Variants in EFNA5 observed in about 807,000 individuals in gnomAD.
The protein encoded by EFNA5 is ephrin-A5.
Under a neutral mutation model 22.9 loss-of-function variants are expected in EFNA5, and 5 were observed. The ratio of observed to expected loss-of-function variants is 0.22; its 90% CI spans 0.11 to 0.46. EFNA5 has a LOEUF of 0.46. EFNA5 is among the 20% of genes least tolerant of loss of function. The pLI is 0.99. For synonymous variants in EFNA5, 113 were observed against 112.2 expected (o/e 1.01, Z -0.04); for missense variants, 237 against 293.3 (o/e 0.81, Z 1.40).
At chr5:107,670,394 C>A (rs1233636788) in intron 1 of EFNA5, 95 bp downstream of exon 1, 8 of 1,412,148 alleles carry the variant, frequency 5.7e-6, no homozygotes, top group Non-Finnish European at 7.4e-6. Flanking sequence ...GGGTGCGCGC[C>A]GCCAGCGGTT....
rs576210075 is a variant in EFNA5, at chr5:107,435,226, A to G, written c.126-7717T>C. 4.9e-4 allele frequency among the ~76,000 whole-genome samples: 75 copies of G among 151,708 alleles called. 1 individual carries two copies. Among genetic ancestry groups the G allele is most frequent in the Middle Eastern group, 3.4e-3 (1 of 292 alleles). ...TGGGCAGGACAGCAGTCTCTGTTGT[A>G]TAACATGCTGCTTCTTGCATCCTTC... On this transcript the variant is annotated intron_variant, in intron 1 of 4. Coordinates refer to ENST00000333274, the MANE Select transcript of EFNA5 (RefSeq NM_001962.3).
Position 107,478,779 on chromosome 5 carries a change from G to C in EFNA5, c.126-51270C>G, listed in dbSNP as rs139470849. 6.6e-5 allele frequency among the ~76,000 whole-genome samples: 10 copies of C among 152,216 alleles called. No individual in the cohort carries two copies. In the East Asian group the frequency reaches 1.5e-3, roughly 24 times the overall value. On this transcript the variant is annotated intron_variant, in intron 1 of 4. Transcript: ENST00000333274. ...TAGTATCTAATTATTTTTGTAAAAT[G>C]ATTATTTTCATGCTTCTATTTACCA...
intron 1 of EFNA5, among the ~76,000 whole-genome samples, chr5:107,635,993 C>T (rs138544093): frequency 6.6e-6 from 1 of 152,232 alleles, no homozygotes; most frequent in African/African-American, 2.4e-5. Context: ...CTTTCTTATC[C>T]TTTTTATGAC....
intron 1 of EFNA5, among the ~76,000 whole-genome samples, chr5:107,624,105 T>C (rs998166354): frequency 6.6e-6 from 1 of 152,072 alleles, no homozygotes; most frequent in African/African-American, 2.4e-5. Flanking sequence ...TCACTAAGTG[T>C]CACCCTAGTT....
intron 2 of EFNA5, among the ~76,000 whole-genome samples, chr5:107,412,542 T>C (rs1417158582): frequency 6.6e-6 from 1 of 152,040 alleles, no homozygotes; most frequent in Non-Finnish European, 1.5e-5. Context: ...TACAGCTGAG[T>C]TTTTCAATTT....
At chr5:107,547,433 T>G (rs1157602363) in intron 1 of EFNA5, among the ~76,000 whole-genome samples, 1 of 152,016 alleles carries the variant, frequency 6.6e-6, no homozygotes, top group African/African-American at 2.4e-5. Flanking sequence ...TGGTGTCACA[T>G]AGTATCCTCC....
chr5:107,659,924 CT>C (rs1047163035), intron 1 of EFNA5, among the ~76,000 whole-genome samples: 1 of 151,078 alleles, frequency 6.6e-6, no homozygotes, highest in African/African-American at 2.4e-5. Context: ...ATTTTTTTTC[CT>C]TCAGAGAACA....
chr5:107,403,522 C>A (rs1748138239), intron 2 of EFNA5, among the ~76,000 whole-genome samples: 1 of 152,202 alleles, frequency 6.6e-6, no homozygotes, highest in South Asian at 2.1e-4. Context: ...AACACTAGTT[C>A]TTCCTAGTGT....
chr5:107,544,614 C>G (rs929012449), intron 1 of EFNA5, among the ~76,000 whole-genome samples: 4 of 152,184 alleles, frequency 2.6e-5, no homozygotes, highest in African/African-American at 9.7e-5. Context: ...AACATAAACA[C>G]TTTGAAGGAA....
chr5:107,444,734 G>GT (rs1175040581), intron 1 of EFNA5, among the ~76,000 whole-genome samples: 3 of 152,142 alleles, frequency 2.0e-5, no homozygotes, highest in Non-Finnish European at 4.4e-5. Flanking sequence ...ATCCATTTGT[G>GT]TAAGTCAAAC....
chr5:107,444,349 C>T (rs1749338673), intron 1 of EFNA5, among the ~76,000 whole-genome samples: 2 of 152,156 alleles, frequency 1.3e-5, no homozygotes, highest in Admixed American at 6.5e-5. Flanking sequence ...TGTCTCATCC[C>T]CTGTACTCCA....
chr5:107,393,848 C>A (rs1380641430), intron 2 of EFNA5, among the ~76,000 whole-genome samples: 1 of 152,130 alleles, frequency 6.6e-6, no homozygotes, highest in Non-Finnish European at 1.5e-5. Flanking sequence ...GAAATATCTC[C>A]TAGAATTTGA....
chr5:107,429,402 C>T (rs1309660587), intron 1 of EFNA5, among the ~76,000 whole-genome samples: 5 of 152,188 alleles, frequency 3.3e-5, no homozygotes, highest in South Asian at 2.1e-4. Context: ...GCTGAGATCA[C>T]GCCACTGCAC....
At chr5:107,593,833 C>A (rs1334300041) in intron 1 of EFNA5, among the ~76,000 whole-genome samples, 1 of 152,230 alleles carries the variant, frequency 6.6e-6, no homozygotes, top group African/African-American at 2.4e-5. Context: ...AGATCTCCCA[C>A]AATAGCTCAG....
chr5:107,439,849 GA>G (rs1422884977), intron 1 of EFNA5, among the ~76,000 whole-genome samples: 1 of 152,098 alleles, frequency 6.6e-6, no homozygotes, highest in Admixed American at 6.6e-5. Flanking sequence ...CTTGACCCTG[GA>G]AATTAAAACA....
chr5:107,440,963 C>T (rs535629069), intron 1 of EFNA5, among the ~76,000 whole-genome samples: 18 of 149,898 alleles, frequency 1.2e-4, no homozygotes, highest in African/African-American at 4.4e-4. Flanking sequence ...TTGTACATGC[C>T]AAATATTTAT....
At chr5:107,536,498 G>T (rs1456766162) in intron 1 of EFNA5, among the ~76,000 whole-genome samples, 1 of 152,104 alleles carries the variant, frequency 6.6e-6, no homozygotes, top group Non-Finnish European at 1.5e-5. Context: ...ATTGTTATTA[G>T]AATTATTCTA....
At chr5:107,663,012 T>C (rs371966977) in intron 1 of EFNA5, among the ~76,000 whole-genome samples, 176 of 152,210 alleles carry the variant, frequency 1.2e-3, no homozygotes, top group African/African-American at 4.0e-3. Context: ...AAGCATATTA[T>C]TACTAAGTTA....
chr5:107,636,955 T>C lies in EFNA5; in HGVS notation c.125+33534A>G, dbSNP rs548972208. Among the ~76,000 whole-genome samples, 4 of 152,350 alleles carry C rather than the reference T, an allele frequency of 2.6e-5. No homozygotes were observed. In the East Asian group the frequency reaches 5.8e-4, roughly 22 times the overall value. ...GCATTTCAGGTTTAAATCAACCAGA[T>C]TTAAGCTTTCTGGTTTTATAAGAAT... On this transcript the variant is annotated intron_variant, in intron 1 of 4. Coordinates refer to ENST00000333274, the MANE Select transcript of EFNA5 (RefSeq NM_001962.3).
Sources: gnomAD v4.1 joint callset for allele counts (sites outside exome capture counted in the v4.1 genomes callset) on GRCh38, gnomAD v4.1.1 for gene constraint, MANE v1.5 for transcripts, NCBI Gene and HGNC (gene_info 2026-07-23, HGNC 2026-07-21) for gene names.